The following HERC3 variants were observed in gnomAD, a reference collection of about 807,000 sequenced individuals.
The protein encoded by HERC3 is probable E3 ubiquitin-protein ligase HERC3.
HERC3 carries 58 observed loss-of-function variants against 129.9 expected under a neutral mutation model. That is an observed-to-expected ratio of 0.45 (90% CI 0.36 to 0.56). HERC3 has a LOEUF of 0.56. HERC3 is among the 20% of genes least tolerant of loss of function. The probability of loss-of-function intolerance (pLI) is 0.00; values close to 1 mark genes in which losing one functional copy is unlikely to be tolerated. For missense variants in HERC3, 835 were observed against 1,244.2 expected (o/e 0.67, Z 4.95); for synonymous variants, 430 against 451.0 (o/e 0.95, Z 0.59).
chr4:88,593,981 G>A (rs1442762230), intron 1 of HERC3, among the ~76,000 whole-genome samples: 1 of 152,138 alleles, frequency 6.6e-6, no homozygotes, highest in Non-Finnish European at 1.5e-5. Flanking sequence ...TTACATCATG[G>A]TCGTACCGCC....
chr4:88,559,625 T>G, the HERC3 span, among the ~76,000 whole-genome samples: 2 of 152,248 alleles, frequency 1.3e-5, no homozygotes, highest in South Asian at 4.1e-4. Flanking sequence ...TCTTTTTATT[T>G]CTTAGGGCTG....
At position 88,669,863 on chromosome 4, in the gene HERC3, A is replaced by G. The variant is rs749816681; in HGVS notation, c.1637A>G (p.Asn546Ser). ...TGTCTTTTCTTTCTTTCTAAAGATA[A>G]CTGGTGGTCTCAGGTATGCCCGAAA... ...LDTNPSKVLD[N>S]WWSQVCPKYF... The change falls in exon 15 of 26, where the codon AAC becomes AGC. Residue 546 changes from asparagine to serine, a missense_variant. By Grantham distance (46) the Asn-to-Ser change is conservative. Transcript: ENST00000402738. 1 of 1,610,758 alleles carries G rather than the reference A, an allele frequency of 6.2e-7. No individual in the cohort carries two copies. Among genetic ancestry groups the G allele is most frequent in the East Asian group, 2.2e-5 (1 of 44,818 alleles).
intron 3 of HERC3, among the ~76,000 whole-genome samples, chr4:88,616,278 A>T (rs1465128500): frequency 6.6e-6 from 1 of 152,242 alleles, no homozygotes; most frequent in Non-Finnish European, 1.5e-5. Flanking sequence ...GGACATGCAT[A>T]CATACATCTT....
intron 1 of HERC3, among the ~76,000 whole-genome samples, chr4:88,594,645 T>A (rs1322041840): frequency 1.3e-5 from 2 of 152,202 alleles, no homozygotes; most frequent in Non-Finnish European, 2.9e-5. Context: ...CTCCAACCCC[T>A]GGGCTCAGGC....
At chr4:88,637,164 G>A (rs905559256) in intron 3 of HERC3, among the ~76,000 whole-genome samples, 3 of 151,776 alleles carry the variant, frequency 2.0e-5, no homozygotes, top group African/African-American at 7.3e-5. Context: ...GGTGGCTCAT[G>A]CCTGTAATCC....
At chr4:88,597,550 C>T (rs1722532837) in intron 2 of HERC3, among the ~76,000 whole-genome samples, 1 of 152,134 alleles carries the variant, frequency 6.6e-6, no homozygotes. Flanking sequence ...AGTTTATATT[C>T]CCACCAGCTG....
chr4:88,606,009 C>T lies in HERC3; in HGVS notation c.186C>T (p.Thr62=). ...DGEVYTCGLN[T]KGQLGHEREG... ...AAGTTTACACATGTGGTTTGAACACCAAGGGGCAACTGGGCCATGAGAGGG... is the reference window on the plus strand; with the variant it reads ...AAGTTTACACATGTGGTTTGAACACTAAGGGGCAACTGGGCCATGAGAGGG... Residue 62 remains threonine, a synonymous_variant, in exon 3 of 26, where the codon ACC becomes ACT. Coordinates refer to ENST00000402738, the MANE Select transcript of HERC3 (RefSeq NM_014606.3). 2 of 1,613,972 alleles carry T rather than the reference C, an allele frequency of 1.2e-6. No homozygotes were observed. Among genetic ancestry groups the T allele is most frequent in the Non-Finnish European group, 1.7e-6 (2 of 1,179,926 alleles).
chr4:88,599,552 T>C (rs1044616877), intron 2 of HERC3, among the ~76,000 whole-genome samples: 1 of 152,198 alleles, frequency 6.6e-6, no homozygotes, highest in African/African-American at 2.4e-5. Context: ...GGATTGTGCT[T>C]GGCCAAAGCA....
intron 3 of HERC3, among the ~76,000 whole-genome samples, chr4:88,635,044 A>G (rs114370492): frequency 0.044 from 6,625 of 152,230 alleles, 181 homozygotes; most frequent in Middle Eastern, 0.12. Context: ...CATGAGGATG[A>G]GAAAGAATCA....
chr4:88,586,090 G>A, the HERC3 span, among the ~76,000 whole-genome samples: 2 of 152,276 alleles, frequency 1.3e-5, no homozygotes, highest in Middle Eastern at 6.8e-3. Flanking sequence ...ATATAATCAA[G>A]GGTGAGGCCA....
At chr4:88,558,091 A>G in the HERC3 span, among the ~76,000 whole-genome samples, 121 of 150,686 alleles carry the variant, frequency 8.0e-4, no homozygotes, top group African/African-American at 2.4e-3. Flanking sequence ...AAAAAAAAAA[A>G]AAAAGAAAAA....
the HERC3 span, among the ~76,000 whole-genome samples, chr4:88,563,626 T>A: frequency 6.6e-6 from 1 of 152,018 alleles, no homozygotes; most frequent in African/African-American, 2.4e-5. Flanking sequence ...GTCTGTTGTA[T>A]ATGAATTTTA....
rs571176253 is a variant in HERC3, at chr4:88,682,793, G to T, written c.2507+1468G>T. Among the ~76,000 whole-genome samples the T allele has an allele frequency of 3.1e-3, 472 of 152,088 alleles. 3 individuals carry two copies. Among genetic ancestry groups the T allele is most frequent in the African/African-American group, 0.011 (449 of 41,458 alleles). On this transcript the variant is annotated intron_variant, in intron 21 of 25. Transcript: ENST00000402738. ...TGCCGCAATAAACATACGTGTGCAT[G>T]TGTCTTTATAGCAGCATGATTTATA...
intron 3 of HERC3, among the ~76,000 whole-genome samples, chr4:88,636,764 C>A (rs1221555990): frequency 9.2e-5 from 14 of 152,114 alleles, no homozygotes; most frequent in Non-Finnish European, 1.5e-5. Flanking sequence ...TCAGCAAATG[C>A]AAAATAACTG....
chr4:88,629,317 T>TTA (rs149349561), intron 3 of HERC3, among the ~76,000 whole-genome samples: 56,763 of 152,032 alleles, frequency 0.37, 12,568 homozygotes, highest in African/African-American at 0.61. Flanking sequence ...TTTCTTTGGT[T>TTA]TATCTTTCCA....
chr4:88,655,165 C>T lies in HERC3; in HGVS notation c.778-9C>T. 1 of 1,613,464 alleles carries T rather than the reference C, an allele frequency of 6.2e-7. No homozygotes were observed. The highest frequency in any genetic ancestry group is 1.7e-5 in the Admixed American group (1 of 60,000). ...ACAGTGAAGTCCTATGGTGTTTGTT[C>T]CTTGTTAGAGTGGAGGTGTGTTTAC... On this transcript the variant is annotated splice_polypyrimidine_tract_variant and intron_variant, in intron 7 of 25. Coordinates refer to ENST00000402738, the MANE Select transcript of HERC3 (RefSeq NM_014606.3).
At position 88,669,936 on chromosome 4, in the gene HERC3, A is replaced by C. The variant is rs754933548; in HGVS notation, c.1710A>C (p.Leu570=). The C allele has an allele frequency of 1.9e-6, 3 of 1,613,526 alleles. No individual in the cohort carries two copies. The African/African-American group carries it at 4.0e-5, about 22-fold the overall frequency. The change falls in exon 15 of 26, where the codon CTA becomes CTC. Residue 570 remains leucine (L), a synonymous_variant. Coordinates refer to ENST00000402738, the MANE Select transcript of HERC3 (RefSeq NM_014606.3). ...VNLYKGAVLY[L]LRGRKTFLIP... is the part of the protein sequence containing the mutation. ...TCTATAAAGGTGCAGTCCTTTATCTACTGAGGGGAAGAAAGACATTCTTAA... is the reference window on the plus strand; with the variant it reads ...TCTATAAAGGTGCAGTCCTTTATCTCCTGAGGGGAAGAAAGACATTCTTAA...
chr4:88,563,651 G>A, the HERC3 span, among the ~76,000 whole-genome samples: 5 of 149,452 alleles, frequency 3.3e-5, no homozygotes, highest in Non-Finnish European at 5.9e-5. Flanking sequence ...ATTGAAATAT[G>A]TTCCTTCCTT....
At chr4:88,693,084 A>G in intron 23 of HERC3, 2 of 982,032 alleles carry the variant, frequency 2.0e-6, no homozygotes, top group African/African-American at 3.5e-5. Context: ...AGTACTCATG[A>G]ATGCCCTTAA....
Sources: allele counts gnomAD v4.1 joint callset (sites outside exome capture counted in the v4.1 genomes callset), GRCh38; gene constraint gnomAD v4.1.1; transcripts MANE v1.5; gene names NCBI Gene and HGNC (gene_info 2026-07-23, HGNC 2026-07-21).